Variants in EPHA4 observed in about 807,000 individuals in gnomAD.
EPHA4 encodes the protein ephrin type-A receptor 4.
EPHA4 carries 19 observed loss-of-function variants against 108.3 expected under a neutral mutation model. That is an observed-to-expected ratio of 0.18 (90% CI 0.12 to 0.26). The LOEUF (loss-of-function observed/expected upper bound fraction) is 0.26. EPHA4 is among the 10% of genes least tolerant of loss of function. The probability of loss-of-function intolerance (pLI) is 1.00; values close to 1 mark genes in which losing one functional copy is unlikely to be tolerated. For missense variants in EPHA4, 917 were observed against 1,254.0 expected (o/e 0.73, Z 4.06); for synonymous variants, 449 against 455.5 (o/e 0.99, Z 0.18).
At chr2:221,424,180 T>A (rs1405176221) in intron 17 of EPHA4, among the ~76,000 whole-genome samples, 1 of 151,556 alleles carries the variant, frequency 6.6e-6, no homozygotes, top group Non-Finnish European at 1.5e-5. Flanking sequence ...AACAAAAAAG[T>A]CCTACATTTG....
intron 3 of EPHA4, among the ~76,000 whole-genome samples, chr2:221,540,389 C>T (rs958166): frequency 0.59 from 88,743 of 151,574 alleles, 27,234 homozygotes; most frequent in African/African-American, 0.78. Flanking sequence ...TAACATCTCA[C>T]AGAAGGAAAC....
intron 3 of EPHA4, among the ~76,000 whole-genome samples, chr2:221,540,836 A>G (rs1290306704): frequency 1.3e-5 from 2 of 152,164 alleles, no homozygotes; most frequent in African/African-American, 4.8e-5. Context: ...GACATAGGCA[A>G]CAGAGGGAGA....
chr2:221,566,465 T>C (rs1694628757), intron 2 of EPHA4, among the ~76,000 whole-genome samples: 1 of 152,130 alleles, frequency 6.6e-6, no homozygotes, highest in Admixed American at 6.6e-5. Flanking sequence ...CCTGAAAAAG[T>C]CCTCGTCAAT....
At position 221,563,727 on chromosome 2, in the gene EPHA4, T is replaced by C. The variant is rs1049861217; in HGVS notation, c.823+4A>G. The C allele has an allele frequency of 4.3e-6, 7 of 1,613,372 alleles. No homozygotes were observed. The highest frequency in any genetic ancestry group is 1.3e-5 in the African/African-American group (1 of 74,896). ...TGAAAAAACTGCAATATGGACCCTC[T>C]TACCTTGGCATTCTCCGCTCCGCTC... On this transcript the variant is annotated splice_donor_region_variant and intron_variant, in intron 3 of 17. Coordinates refer to ENST00000281821, the MANE Select transcript of EPHA4 (RefSeq NM_004438.5).
intron 15 of EPHA4, among the ~76,000 whole-genome samples, chr2:221,427,573 T>C (rs1468150218): frequency 6.6e-6 from 1 of 152,196 alleles, no homozygotes; most frequent in Non-Finnish European, 1.5e-5. Context: ...TAATAACCTG[T>C]AGAAAAATAC....
intron 4 of EPHA4, among the ~76,000 whole-genome samples, chr2:221,492,531 TC>T (rs1692177406): frequency 6.6e-6 from 1 of 152,176 alleles, no homozygotes. Context: ...TTAATTTTCT[TC>T]AAACAAAAAC....
chr2:221,502,351 G>A (rs1248839576), intron 3 of EPHA4, among the ~76,000 whole-genome samples: 2 of 152,040 alleles, frequency 1.3e-5, no homozygotes, highest in Non-Finnish European at 2.9e-5. Flanking sequence ...CAAAGAAAAT[G>A]TGCCAGTAAC....
At chr2:221,441,815 C>T (rs1476789505) in intron 11 of EPHA4, among the ~76,000 whole-genome samples, 1 of 152,126 alleles carries the variant, frequency 6.6e-6, no homozygotes, top group Non-Finnish European at 1.5e-5. Context: ...CACGAGGGGT[C>T]CAGGAAACTT....
intron 3 of EPHA4, among the ~76,000 whole-genome samples, chr2:221,543,694 T>C (rs1693902706): frequency 6.6e-6 from 1 of 152,200 alleles, no homozygotes; most frequent in African/African-American, 2.4e-5. Context: ...TAGTGAAATA[T>C]TAATCAGCTA....
chr2:221,548,284 G>A (rs947584402), intron 3 of EPHA4, among the ~76,000 whole-genome samples: 15 of 152,052 alleles, frequency 9.9e-5, no homozygotes, highest in Admixed American at 5.2e-4. Context: ...TTGAACTGGG[G>A]AGGTGAAGGT....
chr2:221,531,195 C>CT (rs1195674362), intron 3 of EPHA4, among the ~76,000 whole-genome samples: 1 of 152,110 alleles, frequency 6.6e-6, no homozygotes, highest in Admixed American at 6.5e-5. Flanking sequence ...AACTTTCTCT[C>CT]TAAGGTAAGG....
upstream of EPHA4, chr2:221,573,793 G>A (rs1289906455): frequency 6.6e-6 from 1 of 152,278 alleles, no homozygotes; most frequent in Non-Finnish European, 1.5e-5. The surrounding 1 kb of genome is among the most constrained non-coding windows in gnomAD (Gnocchi z 4.5). Flanking sequence ...GGTGGTGCGT[G>A]CGTTTGGGCG....
intron 8 of EPHA4, among the ~76,000 whole-genome samples, chr2:221,447,605 C>T (rs1403544358): frequency 6.6e-6 from 1 of 152,112 alleles, no homozygotes; most frequent in Non-Finnish European, 1.5e-5. Flanking sequence ...GGATAATTCC[C>T]TGGCAAATAA....
At chr2:221,436,899 A>G (rs1690258853) in intron 12 of EPHA4, among the ~76,000 whole-genome samples, 162 bp downstream of exon 12, 1 of 152,210 alleles carries the variant, frequency 6.6e-6, no homozygotes, top group African/African-American at 2.4e-5. Flanking sequence ...AACATGGATT[A>G]TTTAATAGCC....
chr2:221,556,471 ATTTT>A (rs1225934215), intron 3 of EPHA4, among the ~76,000 whole-genome samples: 3 of 113,746 alleles, frequency 2.6e-5, no homozygotes, highest in Admixed American at 1.8e-4. Flanking sequence ...TAATTTTTGT[ATTTT>A]TTTTTTTTTT....
chr2:221,533,631 A>G (rs759017373), intron 3 of EPHA4, among the ~76,000 whole-genome samples: 3 of 151,680 alleles, frequency 2.0e-5, no homozygotes, highest in Admixed American at 6.6e-5. Context: ...GTTTCAAAAC[A>G]TATATAATAA....
Position 221,455,551 on chromosome 2 carries a change from G to A in EPHA4, c.1711C>T (p.Arg571Trp), listed in dbSNP as rs371177966. 2.4e-5 allele frequency: 38 copies of A among 1,613,012 alleles called. No homozygotes were observed. The highest frequency in any genetic ancestry group is 1.1e-4 in the East Asian group (5 of 44,806). The change falls in exon 8 of 18, where the codon CGG (arginine) becomes TGG (tryptophan). Residue 571 changes from arginine (R) to tryptophan (W), a missense_variant. Arg to Trp is a moderately radical substitution (Grantham distance 101). Transcript: ENST00000281821. ...VILIAAFVIS[R>W]RRSKYSKAKQ... is the part of the protein sequence containing the mutation. Reference sequence around the variant, plus strand: ...GTGAGTGGCTTCAGTGCTTACCTCCGGCTGATGACAAAAGCTGCAATGAGA... The same window carrying A: ...GTGAGTGGCTTCAGTGCTTACCTCCAGCTGATGACAAAAGCTGCAATGAGA...
In EPHA4 at chr2:221,429,979, C is replaced by G. The variant is rs374390918; in HGVS notation, c.2669G>C (p.Arg890Thr). The G allele has an allele frequency of 1.1e-5, 18 of 1,614,002 alleles. No individual in the cohort carries two copies. The African/African-American group carries it at 2.4e-4, about 22-fold the overall frequency. Residue 890 changes from arginine (R) to threonine (T), a missense_variant, in exon 15 of 18, where the codon AGG becomes ACG. By Grantham distance (71) the Arg-to-Thr change is moderately conservative. Transcript: ENST00000281821. ...TGACCTGGAGCTCTCCGTCCCTGTCCTCTTCAAGCTGTTGGGGTTGCGGAT... is the reference window on the plus strand; with the variant it reads ...TGACCTGGAGCTCTCCGTCCCTGTCGTCTTCAAGCTGTTGGGGTTGCGGAT... ...KLIRNPNSLK[R>T]TGTESSRPNT...
chr2:221,495,468 C>T (rs999790379), intron 4 of EPHA4, among the ~76,000 whole-genome samples: 6 of 152,190 alleles, frequency 3.9e-5, no homozygotes, highest in African/African-American at 1.2e-4. Flanking sequence ...CCTCCTAATC[C>T]GCAGGTGATT....
Sources: allele counts gnomAD v4.1 joint callset (sites outside exome capture counted in the v4.1 genomes callset), GRCh38; gene constraint gnomAD v4.1.1; non-coding constraint Gnocchi (gnomAD v3.1); transcripts MANE v1.5; gene names NCBI Gene and HGNC (gene_info 2026-07-23, HGNC 2026-07-21).